Variants in LCP2 observed in about 807,000 individuals in gnomAD.
LCP2 encodes the protein 76 kDa tyrosine phosphoprotein.
Under a neutral mutation model 74.5 loss-of-function variants are expected in LCP2, and 29 were observed. The ratio of observed to expected loss-of-function variants is 0.39; its 90% CI spans 0.29 to 0.53. The LOEUF (loss-of-function observed/expected upper bound fraction) is 0.53, where lower values mean the gene tolerates loss of function less well. Among genes scored for constraint, LCP2 ranks in the 20% least tolerant of loss-of-function variants. The pLI is 0.72. For missense variants in LCP2, 604 were observed against 634.6 expected (o/e 0.95, Z 0.52); for synonymous variants, 228 against 229.5 (o/e 0.99, Z 0.06).
At chr5:170,262,896 A>G (rs1465211114) in intron 11 of LCP2, 35 bp from the exon 12 acceptor site, 1 of 1,613,970 alleles carries the variant, frequency 6.2e-7, no homozygotes, top group Non-Finnish European at 8.5e-7. Flanking sequence ...TGAGTGTCCA[A>G]GCACTTTTCA....
intron 3 of LCP2, among the ~76,000 whole-genome samples, chr5:170,277,424 C>T (rs938086205): frequency 6.6e-6 from 1 of 152,170 alleles, no homozygotes; most frequent in African/African-American, 2.4e-5. Context: ...ATCACCTCCC[C>T]TGCCCCTCAA....
At chr5:170,297,386 T>C (rs902843358) in intron 1 of LCP2, 148 bp downstream of exon 1, 13 of 642,440 alleles carry the variant, frequency 2.0e-5, no homozygotes, top group African/African-American at 1.8e-4. Flanking sequence ...GCGGTCTATA[T>C]GGCGCTCACT....
At chr5:170,286,518 A>G (rs1399959961) in intron 3 of LCP2, among the ~76,000 whole-genome samples, 1 of 152,224 alleles carries the variant, frequency 6.6e-6, no homozygotes, top group East Asian at 1.9e-4. Context: ...TGCACTCTCC[A>G]GCATAGTAGT....
intron 1 of LCP2, among the ~76,000 whole-genome samples, chr5:170,295,645 T>C (rs1762364298): frequency 6.6e-6 from 1 of 152,226 alleles, no homozygotes; most frequent in East Asian, 1.9e-4. Flanking sequence ...TCTTTACATG[T>C]CATGTTTGAC....
intron 2 of LCP2, 45 bp from the exon 3 acceptor site, chr5:170,288,061 A>G: frequency 1.9e-6 from 3 of 1,582,870 alleles, no homozygotes; most frequent in Non-Finnish European, 2.6e-6. Flanking sequence ...ACCCACAGAA[A>G]GGGCTCTGAG....
chr5:170,252,543 AT>A, intron 18 of LCP2, 32 bp from the exon 19 acceptor site: 1 of 1,121,346 alleles, frequency 8.9e-7, no homozygotes, highest in Non-Finnish European at 1.3e-6. Flanking sequence ...AACTGAATAA[AT>A]TTTACAGTTA....
intron 6 of LCP2, among the ~76,000 whole-genome samples, chr5:170,272,263 A>T (rs1761907946): frequency 6.6e-6 from 1 of 152,180 alleles, no homozygotes; most frequent in South Asian, 2.1e-4. Flanking sequence ...ATTTTCTCCC[A>T]ATCATTTGGC....
At chr5:170,265,454 T>C (rs1175018885) in intron 10 of LCP2, among the ~76,000 whole-genome samples, 6 of 152,220 alleles carry the variant, frequency 3.9e-5, no homozygotes, top group Non-Finnish European at 7.3e-5. Context: ...CTTTTAAATA[T>C]AGAAAAAAAG....
At chr5:170,262,333 G>C (rs558720090) in intron 13 of LCP2, among the ~76,000 whole-genome samples, 2 of 152,186 alleles carry the variant, frequency 1.3e-5, no homozygotes, top group African/African-American at 4.8e-5. Flanking sequence ...TGAAGGCTTT[G>C]CTATAACGAG....
chr5:170,271,756 G>T (rs1430755021), intron 6 of LCP2, among the ~76,000 whole-genome samples: 1 of 151,914 alleles, frequency 6.6e-6, no homozygotes, highest in Non-Finnish European at 1.5e-5. Context: ...AAGTCCAGGG[G>T]GTGAGTCAAT....
Position 170,267,026 on chromosome 5 carries a change from T to G in LCP2, c.671A>C (p.Asn224Thr). Residue 224 changes from asparagine to threonine, a missense_variant, in exon 9 of 21, where the codon AAC becomes ACC. Physicochemically the swap from Asn to Thr is moderately conservative, Grantham distance 65. Coordinates refer to ENST00000046794, the MANE Select transcript of LCP2 (RefSeq NM_005565.5). ...TNHEEPSRSR[N>T]HKTAKLPAPS... ...GTACTCACGCTTTGCCGTTTTGTGG[T>G]TTCTGCTTCTGCTGGGTTCTTCGTG... 6.2e-7 allele frequency: 1 copy of G among 1,613,904 alleles called. No individual in the cohort carries two copies. Among genetic ancestry groups the G allele is most frequent in the Non-Finnish European group, 8.5e-7 (1 of 1,179,864 alleles).
Position 170,248,190 on chromosome 5 carries a change from G to A in LCP2, c.*507C>T, listed in dbSNP as rs1761342975. On this transcript the variant is annotated 3_prime_UTR_variant, in exon 21 of 21. Transcript: ENST00000046794. ...CCAGGAAAAAATACTAAATAAGAGT[G>A]AAATTATATTTTTGAAGCCTCTTAA... The A allele has an allele frequency of 6.6e-6, 1 of 152,626 alleles. No individual in the cohort carries two copies. Among genetic ancestry groups the A allele is most frequent in the Admixed American group, 6.5e-5 (1 of 15,270 alleles). The allele number at this position is 152,626 out of a possible 1,614,324, so 9.5% of individuals were successfully genotyped here. A position where few individuals can be genotyped will look rare whatever the true frequency, so the allele number is the denominator to read the frequency against.
At position 170,289,663 on chromosome 5, in the gene LCP2, TTCTTTCTTTC is replaced by T. The variant is rs1311409032; in HGVS notation, c.142-1657_142-1648del. Among the ~76,000 whole-genome samples the T allele has an allele frequency of 3.2e-4, 34 of 107,414 alleles. No homozygotes were observed. The South Asian group carries it at 3.9e-3, about 12-fold the overall frequency. 70.5% of individuals were successfully genotyped at this position (107,414 alleles called of 152,430 possible). On this transcript the variant is annotated intron_variant, in intron 2 of 20. Transcript: ENST00000046794. Reference sequence around the variant, plus strand: ...TTTCTTTCTTTCTTTCTTTCTTTCTTTCTTTCTTTCTCTCTCTCTCTCTTTCTTTCTTTCT... The same window carrying T: ...TTTCTTTCTTTCTTTCTTTCTTTCTTTCTCTCTCTCTCTTTCTTTCTTTCT...
chr5:170,276,672 A>G (rs1762012108), intron 3 of LCP2, among the ~76,000 whole-genome samples: 1 of 152,132 alleles, frequency 6.6e-6, no homozygotes, highest in Non-Finnish European at 1.5e-5. Flanking sequence ...AGCAACAAGC[A>G]TCCATTCCAA....
chr5:170,265,131 G>A (rs1231476593), intron 10 of LCP2, among the ~76,000 whole-genome samples: 1 of 151,894 alleles, frequency 6.6e-6, no homozygotes, highest in South Asian at 2.1e-4. Flanking sequence ...GGGACTGCAG[G>A]TGCCCACCAC....
chr5:170,250,127 ATGTT>A (rs1312270267), intron 20 of LCP2, among the ~76,000 whole-genome samples: 1 of 152,186 alleles, frequency 6.6e-6, no homozygotes, highest in Non-Finnish European at 1.5e-5. Flanking sequence ...AACTTAGAGT[ATGTT>A]TGGGGCGTTA....
rs752906175 is a variant in LCP2 at position 170,256,502 on chromosome 5, G to A, written c.1150+24C>T. 41 of 1,601,574 alleles carry A rather than the reference G, an allele frequency of 2.6e-5. No individual in the cohort carries two copies. The highest frequency in any genetic ancestry group is 3.0e-5 in the Non-Finnish European group (35 of 1,168,684). ...CATAAAGGCTTGATGGCTGAAGCACGTCACAAAAGCCCAGAGTACAAACCT... is the reference window on the plus strand; with the variant it reads ...CATAAAGGCTTGATGGCTGAAGCACATCACAAAAGCCCAGAGTACAAACCT... On this transcript the variant is annotated intron_variant, in intron 17 of 20. Coordinates refer to ENST00000046794, the MANE Select transcript of LCP2 (RefSeq NM_005565.5). This position sits in a 1 kb window ranked among gnomAD's most constrained non-coding sequence, Gnocchi z 4.5.
rs529132735 is a variant in LCP2, at chr5:170,279,283, A to C, written c.189-3423T>G. Among the ~76,000 whole-genome samples the C allele has an allele frequency of 6.6e-5, 10 of 152,286 alleles. No individual in the cohort carries two copies. In the East Asian group the frequency reaches 1.9e-3, roughly 29 times the overall value. On this transcript the variant is annotated intron_variant, in intron 3 of 20. Coordinates refer to ENST00000046794, the MANE Select transcript of LCP2 (RefSeq NM_005565.5). ...ATGACCTAGGTTCCAGCCCAGCTGC[A>C]TCCCTAACTTACAGCATGGTGGGGG...
At chr5:170,261,177 A>C (rs1272974209) in intron 13 of LCP2, 40 bp from the exon 14 acceptor site, 2 of 1,449,242 alleles carry the variant, frequency 1.4e-6, no homozygotes, top group Non-Finnish European at 1.9e-6. Context: ...CTGAGCATGA[A>C]GAGTTTCAAA....
Sources: allele counts gnomAD v4.1 joint callset (sites outside exome capture counted in the v4.1 genomes callset), GRCh38; gene constraint gnomAD v4.1.1; non-coding constraint Gnocchi (gnomAD v3.1); transcripts MANE v1.5; gene names NCBI Gene and HGNC (gene_info 2026-07-23, HGNC 2026-07-21).